KCNH5: variants seen among roughly 807,000 people sequenced by gnomAD.
KCNH5 encodes the protein voltage-gated delayed rectifier potassium channel KCNH5.
In KCNH5, 46 loss-of-function variants were observed where a neutral mutation model predicts 96.1. The observed-to-expected ratio is 0.48, with a 90% CI of 0.38 to 0.61. The LOEUF is 0.61. Among genes scored for constraint, KCNH5 ranks in the 20% least tolerant of loss-of-function variants. The pLI is 0.00. For synonymous variants in KCNH5, 439 were observed against 449.8 expected (o/e 0.98, Z 0.30); for missense variants, 907 against 1,225.8 (o/e 0.74, Z 3.88).
At chr14:62,745,749 G>C (rs1297956712) in intron 10 of KCNH5, among the ~76,000 whole-genome samples, 1 of 152,204 alleles carries the variant, frequency 6.6e-6, no homozygotes, top group Non-Finnish European at 1.5e-5. Flanking sequence ...CTAATGAGGA[G>C]TTATTCAGCC....
At chr14:62,770,937 A>G (rs1885972566) in intron 10 of KCNH5, among the ~76,000 whole-genome samples, 1 of 152,178 alleles carries the variant, frequency 6.6e-6, no homozygotes, top group African/African-American at 2.4e-5. Flanking sequence ...CTGTATTTGG[A>G]GACAAGGCTT....
chr14:62,973,515 C>A (rs1022851768), intron 6 of KCNH5, among the ~76,000 whole-genome samples: 1 of 152,142 alleles, frequency 6.6e-6, no homozygotes, highest in Non-Finnish European at 1.5e-5. Context: ...CATGAAGACA[C>A]ATTTGTCTTG....
intron 7 of KCNH5, among the ~76,000 whole-genome samples, chr14:62,881,024 G>T (rs1332751881): frequency 6.6e-6 from 1 of 152,184 alleles, no homozygotes; most frequent in East Asian, 1.9e-4. Flanking sequence ...ATAAGAGCCA[G>T]ATTTACCTAA....
chr14:62,895,334 C>CTT (rs113031928), intron 7 of KCNH5, among the ~76,000 whole-genome samples: 26 of 144,674 alleles, frequency 1.8e-4, no homozygotes, highest in African/African-American at 5.5e-4. Flanking sequence ...AGCATCATGA[C>CTT]TTTTTTTTTT....
chr14:62,878,904 G>A lies in KCNH5; in HGVS notation c.1370-29052C>T, dbSNP rs769483474. Among the ~76,000 whole-genome samples, 5 of 152,054 alleles carry A rather than the reference G, an allele frequency of 3.3e-5. No homozygotes were observed. The South Asian group carries it at 8.3e-4, about 25-fold the overall frequency. ...TCCTCTTATTGTAAGGATACTAGTC[G>A]TACTAGATTAGGACCCACCCTAATA... On this transcript the variant is annotated intron_variant, in intron 7 of 10. Coordinates refer to ENST00000322893, the MANE Select transcript of KCNH5 (RefSeq NM_139318.5).
chr14:62,952,578 T>C (rs1237315808), intron 6 of KCNH5, among the ~76,000 whole-genome samples: 1 of 152,250 alleles, frequency 6.6e-6, no homozygotes, highest in African/African-American at 2.4e-5. Context: ...TAATATTTTC[T>C]GGTTAGCTCA....
At chr14:62,720,425 CA>C (rs1470684119) in intron 10 of KCNH5, among the ~76,000 whole-genome samples, 7 of 151,722 alleles carry the variant, frequency 4.6e-5, no homozygotes, top group Non-Finnish European at 1.0e-4. Flanking sequence ...TAAACAACAA[CA>C]AAAAAATTAG....
chr14:62,738,238 G>A (rs1885199723), intron 10 of KCNH5, among the ~76,000 whole-genome samples: 1 of 152,136 alleles, frequency 6.6e-6, no homozygotes, highest in Admixed American at 6.6e-5. Flanking sequence ...GTGGGATGGA[G>A]CTGGACTGCT....
intron 7 of KCNH5, among the ~76,000 whole-genome samples, chr14:62,929,898 T>A (rs1889547810): frequency 6.6e-6 from 1 of 152,096 alleles, no homozygotes; most frequent in South Asian, 2.1e-4. Context: ...AGTTTTCTGT[T>A]TCTGCAGTAA....
chr14:62,708,596 T>G lies in KCNH5; in HGVS notation c.2020-141A>C, dbSNP rs1035507778. ...AGATTATTTCTCAAGAAAAAAAAAT[T>G]TAAATACCATTTATGGAATTGCATT... On this transcript the variant is annotated intron_variant, in intron 10 of 10. Coordinates refer to ENST00000322893, the MANE Select transcript of KCNH5 (RefSeq NM_139318.5). 4 of 551,602 alleles carry G rather than the reference T, an allele frequency of 7.3e-6. No homozygotes were observed. The African/African-American group carries it at 7.5e-5, about 10-fold the overall frequency. 34.2% of individuals were successfully genotyped at this position (551,602 alleles called of 1,614,324 possible).
chr14:62,945,517 G>T (rs955279741), intron 7 of KCNH5, among the ~76,000 whole-genome samples: 1 of 152,098 alleles, frequency 6.6e-6, no homozygotes, highest in South Asian at 2.1e-4. Context: ...CTTAAGAATT[G>T]TTTAGATACT....
chr14:62,763,547 C>A (rs1485984107), intron 10 of KCNH5, among the ~76,000 whole-genome samples: 1 of 151,976 alleles, frequency 6.6e-6, no homozygotes, highest in African/African-American at 2.4e-5. Flanking sequence ...CAGAGCTGAA[C>A]TGAACAAAAT....
chr14:62,941,319 T>C (rs139475544), intron 7 of KCNH5, among the ~76,000 whole-genome samples: 9 of 152,044 alleles, frequency 5.9e-5, no homozygotes, highest in African/African-American at 2.2e-4. Context: ...AAAAGAAAGA[T>C]GGGTATAAAA....
rs1026844352 is a variant in KCNH5 at position 62,701,598 on chromosome 14, G to A, written c.*5910C>T. 1 of 152,176 alleles carries A rather than the reference G, an allele frequency of 6.6e-6. No homozygotes were observed. Among genetic ancestry groups the A allele is most frequent in the Admixed American group, 6.5e-5 (1 of 15,274 alleles). The allele number at this position is 152,176 out of a possible 1,614,324, so 9.4% of individuals were successfully genotyped here. On this transcript the variant is annotated 3_prime_UTR_variant, in exon 11 of 11. Coordinates refer to ENST00000322893, the MANE Select transcript of KCNH5 (RefSeq NM_139318.5). Reference sequence around the variant, plus strand: ...TTCACAGTCATTATTTTAAAAGTAGGATTCTTCCTTTCTATGATTACCTCT... The same window carrying A: ...TTCACAGTCATTATTTTAAAAGTAGAATTCTTCCTTTCTATGATTACCTCT...
At chr14:62,724,592 G>T (rs912395673) in intron 10 of KCNH5, among the ~76,000 whole-genome samples, 1 of 152,054 alleles carries the variant, frequency 6.6e-6, no homozygotes, top group African/African-American at 2.4e-5. Flanking sequence ...TAGGATACAT[G>T]AGCTGCTTTT....
At chr14:62,829,024 G>A (rs1299642597) in intron 8 of KCNH5, among the ~76,000 whole-genome samples, 3 of 152,156 alleles carry the variant, frequency 2.0e-5, no homozygotes, top group African/African-American at 4.8e-5. Flanking sequence ...TTGTTTTGAA[G>A]TCTGAAGTTC....
intron 3 of KCNH5, among the ~76,000 whole-genome samples, chr14:63,004,770 A>AT (rs200869476): frequency 8.0e-5 from 12 of 149,396 alleles, no homozygotes; most frequent in Middle Eastern, 3.5e-3. Context: ...ATGCCCAGCT[A>AT]TTTTTTTTTT....
chr14:62,739,840 A>G (rs1366210719), intron 10 of KCNH5, among the ~76,000 whole-genome samples: 1 of 152,172 alleles, frequency 6.6e-6, no homozygotes, highest in Admixed American at 6.6e-5. Flanking sequence ...GCATATCTCA[A>G]GGATGCCAGT....
intron 10 of KCNH5, among the ~76,000 whole-genome samples, chr14:62,775,210 A>C (rs2139970423): frequency 6.6e-6 from 1 of 152,320 alleles, no homozygotes; most frequent in South Asian, 2.1e-4. Flanking sequence ...GCTAAATGTC[A>C]GTTAGAAAAT....
Sources: gnomAD v4.1 joint callset for allele counts (sites outside exome capture counted in the v4.1 genomes callset) on GRCh38, gnomAD v4.1.1 for gene constraint, MANE v1.5 for transcripts, NCBI Gene and HGNC (gene_info 2026-07-23, HGNC 2026-07-21) for gene names.